The following EFNA5 variants were observed in gnomAD, a reference collection of about 807,000 sequenced individuals.
The protein encoded by EFNA5 is ephrin A5.
EFNA5 carries 5 observed loss-of-function variants against 22.9 expected under a neutral mutation model. That is an observed-to-expected ratio of 0.22 (90% CI 0.11 to 0.46). The LOEUF (loss-of-function observed/expected upper bound fraction) is 0.46, where lower values mean the gene tolerates loss of function less well. Among genes scored for constraint, EFNA5 ranks in the 20% least tolerant of loss-of-function variants. The pLI, the probability that EFNA5 is intolerant of heterozygous loss-of-function variation, is 0.99. For missense variants in EFNA5, 237 were observed against 293.3 expected (o/e 0.81, Z 1.40); for synonymous variants, 113 against 112.2 (o/e 1.01, Z -0.04).
intron 1 of EFNA5, among the ~76,000 whole-genome samples, chr5:107,601,822 G>A (rs769944340): frequency 3.3e-5 from 5 of 152,118 alleles, no homozygotes; most frequent in Non-Finnish European, 7.4e-5. Flanking sequence ...GAGGTAAGCT[G>A]GAGTTCTATG....
At chr5:107,524,554 GAGA>G (rs796330078) in intron 1 of EFNA5, among the ~76,000 whole-genome samples, 8 of 152,324 alleles carry the variant, frequency 5.3e-5, no homozygotes, top group African/African-American at 1.9e-4. Context: ...CTGGCAAACA[GAGA>G]AGAAGAAAGT....
At chr5:107,492,330 T>C (rs1056819533) in intron 1 of EFNA5, among the ~76,000 whole-genome samples, 8 of 152,222 alleles carry the variant, frequency 5.3e-5, no homozygotes, top group African/African-American at 1.9e-4. Context: ...ACCTGGACAC[T>C]GTTAAGAAAC....
chr5:107,632,730 C>T (rs889135602), intron 1 of EFNA5, among the ~76,000 whole-genome samples: 5 of 152,164 alleles, frequency 3.3e-5, no homozygotes, highest in Non-Finnish European at 7.4e-5. Context: ...AAGCCTATAA[C>T]AGAAAATTCA....
rs551493221 is a variant in EFNA5 at position 107,399,458 on chromosome 5, A to T, written c.419-11687T>A. On this transcript the variant is annotated intron_variant, in intron 2 of 4. Transcript: ENST00000333274. ...GGAATGGGAACGTGGGCATCTTTAG[A>T]TCCAAAGATATGTAGAATTTAATCA... Among the ~76,000 whole-genome samples, 18 of 152,280 alleles carry T rather than the reference A, an allele frequency of 1.2e-4. No homozygotes were observed. In the South Asian group the frequency reaches 3.5e-3, roughly 30 times the overall value.
chr5:107,593,694 C>T (rs902684728), intron 1 of EFNA5, among the ~76,000 whole-genome samples: 8 of 151,908 alleles, frequency 5.3e-5, no homozygotes, highest in South Asian at 2.1e-4. Flanking sequence ...ACTATGGGAC[C>T]GGAAGGATTA....
At chr5:107,646,390 G>A (rs1350232616) in intron 1 of EFNA5, among the ~76,000 whole-genome samples, 1 of 151,988 alleles carries the variant, frequency 6.6e-6, no homozygotes, top group Admixed American at 6.6e-5. Flanking sequence ...ATGCTTAAAG[G>A]CATTATCATT....
chr5:107,603,193 A>G (rs1382135537), intron 1 of EFNA5, among the ~76,000 whole-genome samples: 1 of 152,200 alleles, frequency 6.6e-6, no homozygotes, highest in Non-Finnish European at 1.5e-5. Context: ...TCCTTCCTGG[A>G]CACTCTAGAT....
chr5:107,377,654 C>G lies in EFNA5; in HGVS notation c.*3601G>C, dbSNP rs1398866913. The G allele has an allele frequency of 1.3e-5, 2 of 152,060 alleles. No homozygotes were observed. The highest frequency in any genetic ancestry group is 2.9e-5 in the Non-Finnish European group (2 of 68,020). The allele number at this position is 152,060 out of a possible 1,614,324, so 9.4% of individuals were successfully genotyped here. ...CAACGACACAGAGAGGGAAACAGCC[C>G]CATTTAAGCTTCCTACACTGATTGG... On this transcript the variant is annotated 3_prime_UTR_variant, in exon 5 of 5. Coordinates refer to ENST00000333274, the MANE Select transcript of EFNA5 (RefSeq NM_001962.3).
intron 1 of EFNA5, among the ~76,000 whole-genome samples, chr5:107,536,150 T>TA (rs1183778756): frequency 6.6e-6 from 1 of 152,202 alleles, no homozygotes; most frequent in East Asian, 1.9e-4. Context: ...ACCATACAAT[T>TA]ACTCCTTGTT....
chr5:107,665,919 G>A (rs1208813240), intron 1 of EFNA5, among the ~76,000 whole-genome samples: 1 of 151,984 alleles, frequency 6.6e-6, no homozygotes, highest in East Asian at 1.9e-4. Context: ...TTTTAGCCTG[G>A]TACTTGCATA....
At chr5:107,407,231 G>A (rs1748249021) in intron 2 of EFNA5, among the ~76,000 whole-genome samples, 1 of 151,984 alleles carries the variant, frequency 6.6e-6, no homozygotes, top group Non-Finnish European at 1.5e-5. Context: ...GACCTTTTTT[G>A]CAGTAATGCC....
At chr5:107,547,702 A>T (rs201446320) in intron 1 of EFNA5, among the ~76,000 whole-genome samples, 3 of 24,070 alleles carry the variant, frequency 1.2e-4, no homozygotes, top group Non-Finnish European at 2.3e-4. Flanking sequence ...TTTTAACCAT[A>T]AAAAAAAAGC....
At chr5:107,587,877 A>C (rs535040616) in intron 1 of EFNA5, among the ~76,000 whole-genome samples, 26 of 152,250 alleles carry the variant, frequency 1.7e-4, no homozygotes, top group African/African-American at 6.3e-4. Flanking sequence ...CTACTCCCTT[A>C]TATCTAGGAA....
intron 1 of EFNA5, among the ~76,000 whole-genome samples, chr5:107,486,327 G>A (rs1746619242): frequency 1.3e-5 from 2 of 152,068 alleles, no homozygotes; most frequent in Admixed American, 1.3e-4. Context: ...GAGTAGGACT[G>A]GTAAGGAACT....
chr5:107,411,279 G>A (rs1748360071), intron 2 of EFNA5, among the ~76,000 whole-genome samples: 1 of 152,190 alleles, frequency 6.6e-6, no homozygotes, highest in Non-Finnish European at 1.5e-5. Flanking sequence ...GCCAGTGGTT[G>A]TTTCTGCCTA....
At chr5:107,439,410 G>A (rs1749199004) in intron 1 of EFNA5, among the ~76,000 whole-genome samples, 1 of 152,290 alleles carries the variant, frequency 6.6e-6, no homozygotes, top group Non-Finnish European at 1.5e-5. Flanking sequence ...AGACTAATAT[G>A]AGCAGTTTAA....
At chr5:107,548,537 T>C (rs961981228) in intron 1 of EFNA5, among the ~76,000 whole-genome samples, 2 of 152,164 alleles carry the variant, frequency 1.3e-5, no homozygotes, top group African/African-American at 4.8e-5. Context: ...CAGGTAAAAC[T>C]TGAAATTTGG....
At chr5:107,449,512 C>T (rs77039456) in intron 1 of EFNA5, among the ~76,000 whole-genome samples, 12,706 of 151,862 alleles carry the variant, frequency 0.084, 629 homozygotes, top group African/African-American at 0.14. Flanking sequence ...CATCCCTCCC[C>T]GCCCCCCCAA....
At chr5:107,605,541 G>A (rs1023549967) in intron 1 of EFNA5, among the ~76,000 whole-genome samples, 59 of 152,204 alleles carry the variant, frequency 3.9e-4, no homozygotes, top group African/African-American at 1.4e-3. Flanking sequence ...GGTACATCCT[G>A]TTGCTATTAC....
Sources: gnomAD v4.1 joint callset for allele counts (sites outside exome capture counted in the v4.1 genomes callset) on GRCh38, gnomAD v4.1.1 for gene constraint, MANE v1.5 for transcripts, NCBI Gene and HGNC (gene_info 2026-07-23, HGNC 2026-07-21) for gene names.